EPB41: variants seen among roughly 807,000 people sequenced by gnomAD.
EPB41 encodes the protein protein 4.1.
Under a neutral mutation model 108.0 loss-of-function variants are expected in EPB41, and 65 were observed. The observed-to-expected ratio is 0.60, with a 90% confidence interval of 0.49 to 0.74. EPB41 has a LOEUF of 0.74. Ranked by LOEUF, EPB41 falls within the 30% of genes least tolerant of loss-of-function variation. The probability of loss-of-function intolerance (pLI) is 0.00; values close to 1 mark genes in which losing one functional copy is unlikely to be tolerated. For synonymous variants in EPB41, 336 were observed against 358.9 expected, an observed-to-expected ratio of 0.94 and a Z score of 0.72; for missense variants, 875 against 1,037.0, an observed-to-expected ratio of 0.84 and a Z score of 2.15.
At chr1:29,032,863 G>A (rs905591924) in intron 8 of EPB41, among the ~76,000 whole-genome samples, 4 of 152,094 alleles carry the variant, frequency 2.6e-5, no homozygotes, top group South Asian at 2.1e-4. Context: ...ATTAATAATT[G>A]TGCGTGTATA....
intron 4 of EPB41, among the ~76,000 whole-genome samples, chr1:29,011,134 A>AG (rs1257960910): frequency 6.6e-6 from 1 of 150,996 alleles, no homozygotes; most frequent in Non-Finnish European, 1.5e-5. Context: ...AAAAAAAAAA[A>AG]AAAAGAAAAA....
intron 2 of EPB41, among the ~76,000 whole-genome samples, chr1:28,988,924 A>G (rs2095939873): frequency 6.6e-6 from 1 of 152,240 alleles, no homozygotes; most frequent in Admixed American, 6.5e-5. Flanking sequence ...CCCATATATC[A>G]TTTTATTATA....
At chr1:28,888,026 G>A (rs1193428729) in intron 1 of EPB41, among the ~76,000 whole-genome samples, 1 of 152,216 alleles carries the variant, frequency 6.6e-6, no homozygotes, top group Non-Finnish European at 1.5e-5. Flanking sequence ...GGTGGGACAG[G>A]ACCCCTCCTC....
At chr1:28,946,038 A>G (rs1219483288) in intron 1 of EPB41, among the ~76,000 whole-genome samples, 2 of 152,220 alleles carry the variant, frequency 1.3e-5, no homozygotes, top group East Asian at 1.9e-4. Flanking sequence ...TTTCAGATCC[A>G]TACTGTGAAT....
intron 1 of EPB41, among the ~76,000 whole-genome samples, chr1:28,943,162 A>C (rs1210104951): frequency 6.6e-6 from 1 of 152,186 alleles, no homozygotes; most frequent in East Asian, 1.9e-4. Context: ...AACAAGCAAA[A>C]TATGTTAATT....
At chr1:28,980,983 G>T (rs929658732) in intron 1 of EPB41, among the ~76,000 whole-genome samples, 2 of 152,030 alleles carry the variant, frequency 1.3e-5, no homozygotes, top group Admixed American at 6.6e-5. Context: ...ACTTTGGCCA[G>T]GCTGGCCTCG....
chr1:29,021,243 T>G (rs1257132264), intron 7 of EPB41, among the ~76,000 whole-genome samples: 8 of 152,302 alleles, frequency 5.3e-5, no homozygotes, highest in Non-Finnish European at 1.0e-4. Context: ...AAATTATTTT[T>G]GTAATAATGC....
At chr1:28,988,225 A>C (rs2095915321) in intron 2 of EPB41, among the ~76,000 whole-genome samples, 1 of 152,240 alleles carries the variant, frequency 6.6e-6, no homozygotes, top group African/African-American at 2.4e-5. Flanking sequence ...GTGCCACTGC[A>C]TTCCAGCCTA....
intron 11 of EPB41, among the ~76,000 whole-genome samples, chr1:29,052,297 C>A (rs1488144813): frequency 1.3e-5 from 2 of 152,180 alleles, no homozygotes; most frequent in African/African-American, 2.4e-5. Context: ...TCCTCTGTTA[C>A]AACAACCAAA....
In EPB41 at chr1:29,053,119, C is replaced by A; in HGVS notation, c.1652C>A (p.Ser551Ter). ...RSLDGAAAVD[S>*]ADRSPRPTSA... ...TCTCACATAGCAGCAGCTGTCGATT[C>A]GGCAGACCGAAGTCCTCGGCCCACT... The change falls in exon 12 of 21, where the codon TCG becomes TAG. Residue 551 changes from serine to a stop codon, truncating the protein, a stop_gained. Coordinates refer to ENST00000343067, the MANE Select transcript of EPB41 (RefSeq NM_001376013.1). LOFTEE classifies it high-confidence loss of function. 2 of 1,614,022 alleles carry A rather than the reference C, an allele frequency of 1.2e-6. No homozygotes were observed. Among genetic ancestry groups the A allele is most frequent in the South Asian group, 1.1e-5 (1 of 91,046 alleles).
rs1422216252 is a variant in EPB41, at chr1:29,018,014, A to G, written c.906-210A>G. Among the ~76,000 whole-genome samples, 1 of 151,614 alleles carries G rather than the reference A, an allele frequency of 6.6e-6. No individual in the cohort carries two copies. The highest frequency in any genetic ancestry group is 1.5e-5 in the Non-Finnish European group (1 of 68,040). Reference sequence around the variant, plus strand: ...TTTAATATGTAAAAATTTCAAACACACAGAGAGAAATAATAGCGCAATGAA... The same window carrying G: ...TTTAATATGTAAAAATTTCAAACACGCAGAGAGAAATAATAGCGCAATGAA... On this transcript the variant is annotated intron_variant, in intron 6 of 20. Transcript: ENST00000343067. The surrounding 1 kb of genome is among the most constrained non-coding windows in gnomAD (Gnocchi z 4.4).
intron 1 of EPB41, among the ~76,000 whole-genome samples, chr1:28,922,666 T>C (rs1188553222): frequency 6.7e-6 from 1 of 150,178 alleles, no homozygotes; most frequent in Non-Finnish European, 1.5e-5. Flanking sequence ...CTCACTCTGT[T>C]GCTCAGGCTG....
intron 4 of EPB41, among the ~76,000 whole-genome samples, chr1:29,000,578 C>T (rs1379079317): frequency 2.0e-5 from 3 of 152,128 alleles, no homozygotes; most frequent in Non-Finnish European, 2.9e-5. Context: ...AAAATTGGTA[C>T]CTCTGAATCA....
chr1:28,920,271 G>A (rs759988225), intron 1 of EPB41, among the ~76,000 whole-genome samples: 32 of 152,094 alleles, frequency 2.1e-4, no homozygotes, highest in Non-Finnish European at 4.3e-4. Flanking sequence ...TCTATTAATA[G>A]AGACAGGAAC....
chr1:29,055,082 T>G (rs3003631), intron 12 of EPB41, among the ~76,000 whole-genome samples: 26,903 of 152,166 alleles, frequency 0.18, 2,873 homozygotes, highest in East Asian at 0.47. Flanking sequence ...GACATACAGT[T>G]TTACTGTCCA....
intron 17 of EPB41, among the ~76,000 whole-genome samples, chr1:29,103,656 AT>A (rs540584933): frequency 6.6e-6 from 1 of 151,372 alleles, no homozygotes; most frequent in Admixed American, 6.6e-5. Flanking sequence ...TTTTTATTTT[AT>A]TTGTTTGTTT....
At chr1:28,951,031 T>G (rs1238812197) in intron 1 of EPB41, among the ~76,000 whole-genome samples, 1 of 151,950 alleles carries the variant, frequency 6.6e-6, no homozygotes, top group Non-Finnish European at 1.5e-5. Flanking sequence ...GATGGGGTTT[T>G]GTCATGTTGG....
chr1:29,088,747 A>G (rs1340089495), intron 16 of EPB41, among the ~76,000 whole-genome samples: 1 of 152,054 alleles, frequency 6.6e-6, no homozygotes, highest in African/African-American at 2.4e-5. Context: ...TGTTAAGAGG[A>G]GTTTGGGCGC....
intron 7 of EPB41, among the ~76,000 whole-genome samples, chr1:29,026,875 C>T (rs960951695): frequency 3.3e-5 from 5 of 151,824 alleles, no homozygotes; most frequent in Admixed American, 1.3e-4. Context: ...GGGCAGATCA[C>T]GAGGTGAGGA....
Sources: allele counts gnomAD v4.1 joint callset (sites outside exome capture counted in the v4.1 genomes callset), GRCh38; gene constraint gnomAD v4.1.1; non-coding constraint Gnocchi (gnomAD v3.1); transcripts MANE v1.5; gene names NCBI Gene and HGNC (gene_info 2026-07-23, HGNC 2026-07-21).